The following LGI2 variants were observed in gnomAD, a reference collection of about 807,000 sequenced individuals.
The protein encoded by LGI2 is leucine-rich repeat LGI family member 2.
LGI2 carries 30 observed loss-of-function variants against 52.0 expected under a neutral mutation model. That is an observed-to-expected ratio of 0.58 (90% confidence interval 0.43 to 0.78). LGI2 has a LOEUF of 0.78. LGI2 is among the 30% of genes least tolerant of loss of function. LGI2 has a pLI of 0.00. For synonymous variants in LGI2, 270 were observed against 271.8 expected, an observed-to-expected ratio of 0.99 and a Z score of 0.06; for missense variants, 573 against 692.5, an observed-to-expected ratio of 0.83 and a Z score of 1.94.
At chr4:25,019,370 T>C (rs1725876101) in intron 4 of LGI2, 132 bp from the exon 5 acceptor site, 1 of 609,252 alleles carries the variant, frequency 1.6e-6, no homozygotes, top group Admixed American at 3.2e-5. Context: ...ATGAGCTTAG[T>C]TATGCAAATA....
In LGI2 at chr4:25,012,493, A is replaced by G. The variant is rs759463354; in HGVS notation, c.662T>C (p.Val221Ala). 1 of 1,613,660 alleles carries G rather than the reference A, an allele frequency of 6.2e-7. No homozygotes were observed. The highest frequency in any genetic ancestry group is 2.2e-5 in the East Asian group (1 of 44,874). ...CTGGTAGGGTAAAGTCTGATGAACA[A>G]CAAAATCTGGGGATGGGTGTTTAAA... The part of the protein sequence containing the change: ...FDYECTTTDF[V>A]VHQTLPYQSV... Residue 221 changes from valine to alanine, a missense_variant, in exon 7 of 8, where the codon GTT becomes GCT. By Grantham distance (64) the Val-to-Ala change is moderately conservative. Transcript: ENST00000382114.
At chr4:25,012,281 G>C in intron 7 of LGI2, 54 bp downstream of exon 7, 1 of 1,596,476 alleles carries the variant, frequency 6.3e-7, no homozygotes, top group Non-Finnish European at 8.6e-7. Context: ...CCTCCCGCGG[G>C]CTTGCCGCAA....
chr4:25,013,727 C>T (rs1725662227), intron 6 of LGI2, among the ~76,000 whole-genome samples: 1 of 152,166 alleles, frequency 6.6e-6, no homozygotes, highest in Admixed American at 6.6e-5. Flanking sequence ...ATGGTGATCA[C>T]TCAGTAGTTG....
At chr4:25,013,227 G>A (rs1725648361) in intron 6 of LGI2, among the ~76,000 whole-genome samples, 1 of 152,206 alleles carries the variant, frequency 6.6e-6, no homozygotes. Flanking sequence ...TCATTCTGGG[G>A]GCAGAGTAGG....
At chr4:25,030,356 C>A in intron 1 of LGI2, 141 bp downstream of exon 1, 1 of 872,308 alleles carries the variant, frequency 1.1e-6, no homozygotes, top group Non-Finnish European at 1.7e-6. Context: ...AACACTCCAC[C>A]CACGTCCCCC....
chr4:25,030,755 G>C lies in LGI2; in HGVS notation c.-62C>G. 22 of 988,634 alleles carry C rather than the reference G, an allele frequency of 2.2e-5. No homozygotes were observed. Among genetic ancestry groups the C allele is most frequent in the Non-Finnish European group, 2.7e-5 (22 of 812,942 alleles). 61.2% of individuals were successfully genotyped at this position (988,634 alleles called of 1,614,324 possible). On this transcript the variant is annotated 5_prime_UTR_variant, in exon 1 of 8. Coordinates refer to ENST00000382114, the MANE Select transcript of LGI2 (RefSeq NM_018176.4). ...ACCGCCGCGCCGCGCGCTCGGACCC[G>C]GCGCCGCTGCAGACGCGGGCGCCGC... is the stretch of plus-strand genomic sequence containing the variant.
intron 6 of LGI2, among the ~76,000 whole-genome samples, chr4:25,014,359 C>T (rs752189929): frequency 5.9e-5 from 9 of 152,270 alleles, no homozygotes; most frequent in Non-Finnish European, 1.2e-4. Context: ...CTGTTTTAAT[C>T]TATTTTCCCC....
At chr4:25,005,466 A>C (rs1487989355) in intron 7 of LGI2, among the ~76,000 whole-genome samples, 1 of 152,140 alleles carries the variant, frequency 6.6e-6, no homozygotes, top group Non-Finnish European at 1.5e-5. Context: ...AGCTACATTA[A>C]TTAGCTTGAT....
chr4:24,996,393 A>G (rs1358183974), downstream of LGI2, among the ~76,000 whole-genome samples: 1 of 152,250 alleles, frequency 6.6e-6, no homozygotes, highest in African/African-American at 2.4e-5. Context: ...GGATTTCCAT[A>G]TGATTTATAA....
chr4:25,011,180 C>A (rs1725572314), intron 7 of LGI2, among the ~76,000 whole-genome samples: 1 of 152,078 alleles, frequency 6.6e-6, no homozygotes, highest in Non-Finnish European at 1.5e-5. Flanking sequence ...GCAGAGAGAC[C>A]AGCTCATCCT....
At chr4:25,005,056 T>C (rs1440498494) in intron 7 of LGI2, among the ~76,000 whole-genome samples, 2 of 152,290 alleles carry the variant, frequency 1.3e-5, no homozygotes, top group East Asian at 3.9e-4. Flanking sequence ...GAATACTATA[T>C]GATTCCACTT....
rs1045509694 is a variant in LGI2 at position 25,004,993 on chromosome 4, T to C, written c.821-725A>G. 6.6e-6 allele frequency among the ~76,000 whole-genome samples: 1 copy of C among 152,156 alleles called. No homozygotes were observed. Among genetic ancestry groups the C allele is most frequent in the Non-Finnish European group, 1.5e-5 (1 of 68,028 alleles). On this transcript the variant is annotated intron_variant, in intron 7 of 7. Coordinates refer to ENST00000382114, the MANE Select transcript of LGI2 (RefSeq NM_018176.4). This position sits in a 1 kb window ranked among gnomAD's most constrained non-coding sequence, Gnocchi z 4.6. ...GAAAATTCTGACATATGCTACAACA[T>C]GGATGGACTTTGAGGGCATTAGGCT... is the stretch of plus-strand genomic sequence containing the variant.
At position 25,018,028 on chromosome 4, in the gene LGI2, T is replaced by C; in HGVS notation, c.616A>G (p.Asn206Asp). The change falls in exon 6 of 8, where the codon AAT (asparagine) becomes GAT (aspartate). Residue 206 changes from asparagine (N) to aspartate (D), a missense_variant. Asn to Asp is a conservative substitution (Grantham distance 23). Coordinates refer to ENST00000382114, the MANE Select transcript of LGI2 (RefSeq NM_018176.4). ...TCATAGTCAAAGCTGGTCACGTCATTTAGCTTCTTTTCCTGATACTCTGGT... is the reference window on the plus strand; with the variant it reads ...TCATAGTCAAAGCTGGTCACGTCATCTAGCTTCTTTTCCTGATACTCTGGT... ...GPPEYQEKKL[N>D]DVTSFDYECT... 3.1e-6 allele frequency: 5 copies of C among 1,612,844 alleles called. No individual in the cohort carries two copies. Among genetic ancestry groups the C allele is most frequent in the Non-Finnish European group, 4.2e-6 (5 of 1,179,720 alleles).
downstream of LGI2, among the ~76,000 whole-genome samples, chr4:24,994,123 G>A (rs1724982679): frequency 6.6e-6 from 1 of 152,134 alleles, no homozygotes; most frequent in African/African-American, 2.4e-5. Context: ...AACCTAAAAG[G>A]GAGTGTGCAG....
chr4:25,013,665 G>A (rs1166341296), intron 6 of LGI2, among the ~76,000 whole-genome samples: 2 of 152,144 alleles, frequency 1.3e-5, no homozygotes, highest in African/African-American at 4.8e-5. Flanking sequence ...TATTTCATGA[G>A]GTTGCCATAA....
chr4:25,006,296 A>T (rs576625795), intron 7 of LGI2, among the ~76,000 whole-genome samples: 2 of 152,142 alleles, frequency 1.3e-5, no homozygotes, highest in African/African-American at 4.8e-5. Context: ...CAGAAGACCA[A>T]CCACTAAGCA....
chr4:25,028,619 T>A, intron 1 of LGI2, 41 bp from the exon 2 acceptor site: 1 of 1,563,350 alleles, frequency 6.4e-7, no homozygotes, highest in Non-Finnish European at 8.7e-7. Context: ...TAGGTTTCTT[T>A]TAGGAAGTGC....
chr4:24,992,235 G>C, the LGI2 span, among the ~76,000 whole-genome samples: 47 of 152,170 alleles, frequency 3.1e-4, no homozygotes, highest in Non-Finnish European at 8.8e-5. Flanking sequence ...TAGAACACAA[G>C]GGGGTTGGAG....
At chr4:25,005,345 G>A (rs13118499) in intron 7 of LGI2, among the ~76,000 whole-genome samples, 3,839 of 152,194 alleles carry the variant, frequency 0.025, 70 homozygotes, top group Middle Eastern at 0.051. Context: ...ATGTGCTTCC[G>A]TAGAAATGGC....
Sources: gnomAD v4.1 joint callset for allele counts (sites outside exome capture counted in the v4.1 genomes callset) on GRCh38, gnomAD v4.1.1 for gene constraint, Gnocchi (gnomAD v3.1) non-coding constraint, MANE v1.5 for transcripts, NCBI Gene and HGNC (gene_info 2026-07-23, HGNC 2026-07-21) for gene names.